Variants in GABRG3 observed in about 807,000 individuals in gnomAD.
GABRG3 encodes the protein gamma-aminobutyric acid type A receptor subunit gamma3.
In GABRG3, 25 loss-of-function variants were observed where a neutral mutation model predicts 48.8. The ratio of observed to expected loss-of-function variants is 0.51; its 90% confidence interval spans 0.37 to 0.72. The LOEUF (loss-of-function observed/expected upper bound fraction) is 0.72, where lower values mean the gene tolerates loss of function less well. GABRG3 is among the 30% of genes least tolerant of loss of function. GABRG3 has a pLI of 0.00. For synonymous variants in GABRG3, 227 were observed against 217.6 expected (o/e 1.04, Z -0.38); for missense variants, 394 against 577.9 (o/e 0.68, Z 3.26).
At chr15:27,486,506 C>T (rs1192743178) in intron 6 of GABRG3, among the ~76,000 whole-genome samples, 5 of 152,166 alleles carry the variant, frequency 3.3e-5, no homozygotes, top group African/African-American at 1.2e-4. Flanking sequence ...GTGTGTTTAA[C>T]ATTCCAGCTA....
chr15:27,034,656 T>G (rs1035009179), intron 3 of GABRG3, among the ~76,000 whole-genome samples: 2 of 152,154 alleles, frequency 1.3e-5, no homozygotes, highest in African/African-American at 4.8e-5. Flanking sequence ...CTGAGATCCA[T>G]CGAGTCTTGT....
rs1894841754 is a variant in GABRG3 at position 26,971,503 on chromosome 15, C to T, written c.-33C>T. ...CGGAGGAAGCCGCGCCCGGCCGAGG[C>T]CCCGGACCCTGCGCCCCGAGCTCCA... is the stretch of plus-strand genomic sequence containing the variant. On this transcript the variant is annotated 5_prime_UTR_variant, in exon 1 of 10. Coordinates refer to ENST00000615808, the MANE Select transcript of GABRG3 (RefSeq NM_033223.5). The T allele has an allele frequency of 3.4e-6, 5 of 1,491,198 alleles. No homozygotes were observed. Among genetic ancestry groups the T allele is most frequent in the Admixed American group, 2.2e-5 (1 of 46,480 alleles). The allele number at this position is 1,491,198 out of a possible 1,614,324, so 92.4% of individuals were successfully genotyped here.
intron 6 of GABRG3, among the ~76,000 whole-genome samples, chr15:27,518,148 C>A (rs7176328): frequency 0.56 from 81,269 of 144,174 alleles, 22,729 homozygotes; most frequent in East Asian, 0.67. Context: ...GTCAGGAGTT[C>A]GAGACCAGCA....
intron 5 of GABRG3, among the ~76,000 whole-genome samples, chr15:27,388,246 A>AAAGG (rs778512671): frequency 0.028 from 423 of 14,942 alleles, 25 homozygotes; most frequent in Middle Eastern, 0.042. Context: ...GGGAGGGAGG[A>AAAGG]AAGGAAGGAA....
chr15:27,033,023 G>GT (rs1360183180), intron 3 of GABRG3, among the ~76,000 whole-genome samples: 1 of 152,126 alleles, frequency 6.6e-6, no homozygotes, highest in East Asian at 1.9e-4. Context: ...TTTTACAATT[G>GT]TTTTTTAACC....
intron 2 of GABRG3, among the ~76,000 whole-genome samples, chr15:26,984,058 C>T (rs1032493291): frequency 6.6e-6 from 1 of 152,130 alleles, no homozygotes; most frequent in Admixed American, 6.5e-5. Flanking sequence ...TTCCCCACCT[C>T]CCCACTGTGG....
intron 6 of GABRG3, among the ~76,000 whole-genome samples, chr15:27,503,301 G>A (rs55916567): frequency 0.081 from 12,389 of 152,072 alleles, 1,679 homozygotes; most frequent in African/African-American, 0.28. Flanking sequence ...GGGGAAAAGC[G>A]GACCACCACA....
chr15:27,163,588 T>G (rs1887268779), intron 3 of GABRG3, among the ~76,000 whole-genome samples: 1 of 152,108 alleles, frequency 6.6e-6, no homozygotes. Flanking sequence ...AATTTGAGGT[T>G]ACAGTGAGCC....
chr15:27,156,940 T>A (rs1318471557), intron 3 of GABRG3, among the ~76,000 whole-genome samples: 1 of 152,250 alleles, frequency 6.6e-6, no homozygotes, highest in African/African-American at 2.4e-5. Context: ...TTTCTTCCCA[T>A]CATTTTCCTG....
At chr15:27,193,289 G>A (rs896762177) in intron 3 of GABRG3, among the ~76,000 whole-genome samples, 1 of 152,148 alleles carries the variant, frequency 6.6e-6, no homozygotes, top group Non-Finnish European at 1.5e-5. Context: ...GGTTACTGCT[G>A]TCTTTTTGTT....
Position 27,178,915 on chromosome 15 carries a change from C to T in GABRG3, c.271-147894C>T, listed in dbSNP as rs534181418. 3.4e-4 allele frequency among the ~76,000 whole-genome samples: 52 copies of T among 152,162 alleles called. No homozygotes were observed. The South Asian group carries it at 7.3e-3, about 21-fold the overall frequency. On this transcript the variant is annotated intron_variant, in intron 3 of 9. Coordinates refer to ENST00000615808, the MANE Select transcript of GABRG3 (RefSeq NM_033223.5). The stretch of plus-strand genomic sequence containing the variant: ...CACAGATAGGGCAGAGGGAGTGGTA[C>T]GTAATACTTTTTAGGGTTTATGGCT...
intron 5 of GABRG3, among the ~76,000 whole-genome samples, chr15:27,411,738 A>G (rs1271187500): frequency 6.6e-6 from 1 of 152,084 alleles, no homozygotes; most frequent in South Asian, 2.1e-4. Flanking sequence ...TAAATAAACC[A>G]AGCTCCCCTT....
At chr15:27,228,493 C>A (rs1331147864) in intron 3 of GABRG3, among the ~76,000 whole-genome samples, 4 of 152,156 alleles carry the variant, frequency 2.6e-5, no homozygotes, top group African/African-American at 9.7e-5. Flanking sequence ...GATTTCATGT[C>A]TTTGCTATTG....
intron 3 of GABRG3, among the ~76,000 whole-genome samples, chr15:27,131,848 C>T (rs1897921602): frequency 3.3e-5 from 5 of 151,822 alleles, no homozygotes; most frequent in Admixed American, 3.3e-4. Context: ...TGATGTCTTA[C>T]TGTGGTTTTG....
At chr15:27,481,211 TCTTTAA>T (rs1483002139) in intron 6 of GABRG3, 144 of 990,840 alleles carry the variant, frequency 1.5e-4, no homozygotes, top group Non-Finnish European at 1.5e-4. Flanking sequence ...CTAAGTTTTA[TCTTTAA>T]CTTTGAGTTT....
intron 2 of GABRG3, among the ~76,000 whole-genome samples, chr15:26,981,010 A>G (rs531521262): frequency 1.3e-5 from 2 of 152,312 alleles, no homozygotes; most frequent in Non-Finnish European, 1.5e-5. Flanking sequence ...TAATCTGTAC[A>G]ACAAATTTCC....
In GABRG3 at chr15:27,481,157, G is replaced by A. The variant is rs569278632; in HGVS notation, c.712+370G>A. On this transcript the variant is annotated intron_variant, in intron 6 of 9. Coordinates refer to ENST00000615808, the MANE Select transcript of GABRG3 (RefSeq NM_033223.5). ...TATTGAGAATCCACACATAAAAGAAGCTGGTGTGATATGTCCTTTGAGTTT... is the reference window on the plus strand; with the variant it reads ...TATTGAGAATCCACACATAAAAGAAACTGGTGTGATATGTCCTTTGAGTTT... 9 of 1,035,426 alleles carry A rather than the reference G, an allele frequency of 8.7e-6. No individual in the cohort carries two copies. The South Asian group carries it at 2.7e-4, about 31-fold the overall frequency. The allele number at this position is 1,035,426 out of a possible 1,614,324, so 64.1% of individuals were successfully genotyped here. A position where few individuals can be genotyped will look rare whatever the true frequency, so the allele number is the denominator to read the frequency against.
chr15:27,426,675 A>T (rs1888302976), intron 5 of GABRG3, among the ~76,000 whole-genome samples: 1 of 152,078 alleles, frequency 6.6e-6, no homozygotes, highest in Admixed American at 6.6e-5. Flanking sequence ...AAAAATAAAA[A>T]ATAAAATTTA....
At chr15:27,054,639 C>T (rs1352542818) in intron 3 of GABRG3, among the ~76,000 whole-genome samples, 1 of 152,120 alleles carries the variant, frequency 6.6e-6, no homozygotes, top group Non-Finnish European at 1.5e-5. Flanking sequence ...CTGGCCAGGA[C>T]AACGCAGAGC....
Sources: gnomAD v4.1 joint callset for allele counts (sites outside exome capture counted in the v4.1 genomes callset) on GRCh38, gnomAD v4.1.1 for gene constraint, MANE v1.5 for transcripts, NCBI Gene and HGNC (gene_info 2026-07-23, HGNC 2026-07-21) for gene names.